HS6ST3: variants seen among roughly 807,000 people sequenced by gnomAD.
HS6ST3 encodes heparan-sulfate 6-O-sulfotransferase 3.
HS6ST3 carries 12 observed loss-of-function variants against 36.7 expected under a neutral mutation model. The ratio of observed to expected loss-of-function variants is 0.33; its 90% CI spans 0.21 to 0.53. The LOEUF (loss-of-function observed/expected upper bound fraction) is 0.53. Ranked by LOEUF, HS6ST3 falls within the 20% of genes least tolerant of loss-of-function variation. The pLI is 0.95. For missense variants in HS6ST3, 584 were observed against 640.9 expected, an observed-to-expected ratio of 0.91 and a Z score of 0.96; for synonymous variants, 240 against 257.5, an observed-to-expected ratio of 0.93 and a Z score of 0.65.
At chr13:96,523,852 G>C (rs2056103443) in intron 1 of HS6ST3, among the ~76,000 whole-genome samples, 1 of 152,120 alleles carries the variant, frequency 6.6e-6, no homozygotes, top group Admixed American at 6.6e-5. Context: ...TCTGAAGCCT[G>C]CTTCTGTCAA....
At chr13:96,686,113 A>G (rs1412728295) in intron 1 of HS6ST3, among the ~76,000 whole-genome samples, 1 of 151,982 alleles carries the variant, frequency 6.6e-6, no homozygotes, top group Non-Finnish European at 1.5e-5. Flanking sequence ...GCAGTTACAC[A>G]CAACTCATCA....
intron 1 of HS6ST3, among the ~76,000 whole-genome samples, chr13:96,536,241 A>G (rs1288167105): frequency 2.0e-5 from 3 of 152,210 alleles, no homozygotes; most frequent in African/African-American, 7.2e-5. Context: ...TCTTGGAAAC[A>G]CTTAGAAGCT....
chr13:96,707,217 A>G (rs371635241), intron 1 of HS6ST3, among the ~76,000 whole-genome samples: 3 of 152,258 alleles, frequency 2.0e-5, no homozygotes, highest in African/African-American at 7.2e-5. Flanking sequence ...AGTGGGATAA[A>G]TGCCCTTATA....
intron 1 of HS6ST3, among the ~76,000 whole-genome samples, chr13:96,470,436 C>T (rs80083432): frequency 1.2e-4 from 18 of 152,176 alleles, no homozygotes; most frequent in Non-Finnish European, 1.9e-4. Flanking sequence ...ACATTACTTC[C>T]CAATTTCATT....
chr13:96,828,083 A>G (rs1481319540), intron 1 of HS6ST3, among the ~76,000 whole-genome samples: 2 of 152,190 alleles, frequency 1.3e-5, no homozygotes, highest in Non-Finnish European at 2.9e-5. Context: ...TCTGACACTG[A>G]TGGAATTGTC....
At chr13:96,315,680 AT>A (rs11344992) in intron 1 of HS6ST3, among the ~76,000 whole-genome samples, 76,920 of 151,688 alleles carry the variant, frequency 0.51, 20,578 homozygotes, top group African/African-American at 0.68. Flanking sequence ...TAAAAATGCC[AT>A]TTTTTTTTAA....
At chr13:96,269,228 G>T (rs2054707769) in intron 1 of HS6ST3, among the ~76,000 whole-genome samples, 1 of 151,904 alleles carries the variant, frequency 6.6e-6, no homozygotes, top group Non-Finnish European at 1.5e-5. Context: ...TATGGGGCAT[G>T]TATTCATGTG....
chr13:96,245,621 G>A (rs2054581333), intron 1 of HS6ST3, among the ~76,000 whole-genome samples: 1 of 152,170 alleles, frequency 6.6e-6, no homozygotes, highest in Non-Finnish European at 1.5e-5. Flanking sequence ...GGTCTGCAGG[G>A]TCCAGACTGC....
At chr13:96,173,843 G>A (rs150227185) in intron 1 of HS6ST3, among the ~76,000 whole-genome samples, 2 of 123,012 alleles carry the variant, frequency 1.6e-5, no homozygotes, top group African/African-American at 6.1e-5. Flanking sequence ...GTGTGTGTGT[G>A]TGGATAGTAA....
At chr13:96,380,656 A>G (rs1388175790) in intron 1 of HS6ST3, among the ~76,000 whole-genome samples, 1 of 152,196 alleles carries the variant, frequency 6.6e-6, no homozygotes, top group African/African-American at 2.4e-5. Context: ...TTCTTTTCCA[A>G]ACATATATCA....
chr13:96,151,606 A>G (rs2054085534), intron 1 of HS6ST3, among the ~76,000 whole-genome samples: 2 of 152,254 alleles, frequency 1.3e-5, no homozygotes, highest in East Asian at 3.8e-4. Flanking sequence ...TGCTGTAACA[A>G]AGTGCTACAC....
At chr13:96,628,904 G>A (rs1332121665) in intron 1 of HS6ST3, among the ~76,000 whole-genome samples, 1 of 151,802 alleles carries the variant, frequency 6.6e-6, no homozygotes, top group East Asian at 1.9e-4. Flanking sequence ...ATGTGAATCC[G>A]TATATGTGTG....
chr13:96,489,880 A>G (rs776774369), intron 1 of HS6ST3, among the ~76,000 whole-genome samples: 4 of 152,102 alleles, frequency 2.6e-5, no homozygotes, highest in Non-Finnish European at 4.4e-5. Context: ...GTCTTCTTCC[A>G]CCTAGCTCAG....
chr13:96,439,152 A>AT (rs1419086203), intron 1 of HS6ST3, among the ~76,000 whole-genome samples: 1 of 152,180 alleles, frequency 6.6e-6, no homozygotes. Context: ...TGTGGGCCAC[A>AT]TTTTTTAGTG....
At chr13:96,813,848 C>T (rs1031618089) in intron 1 of HS6ST3, among the ~76,000 whole-genome samples, 5 of 152,180 alleles carry the variant, frequency 3.3e-5, no homozygotes, top group Non-Finnish European at 5.9e-5. Flanking sequence ...CAAGGTCAAA[C>T]GGATTCTACT....
At chr13:96,139,614 T>C (rs566030712) in intron 1 of HS6ST3, among the ~76,000 whole-genome samples, 1 of 151,226 alleles carries the variant, frequency 6.6e-6, no homozygotes, top group Admixed American at 6.6e-5. Context: ...ATTATAATTC[T>C]TATAAAATTA....
intron 1 of HS6ST3, among the ~76,000 whole-genome samples, chr13:96,386,042 C>G (rs1416635110): frequency 6.6e-6 from 1 of 152,058 alleles, no homozygotes; most frequent in African/African-American, 2.4e-5. Context: ...AAACTGAAAT[C>G]TAAACCAAGA....
At chr13:96,159,246 G>A (rs2054125079) in intron 1 of HS6ST3, among the ~76,000 whole-genome samples, 2 of 152,220 alleles carry the variant, frequency 1.3e-5, no homozygotes, top group Admixed American at 1.3e-4. Flanking sequence ...CAATGAAGGT[G>A]AAAAGGAGGA....
intron 1 of HS6ST3, among the ~76,000 whole-genome samples, chr13:96,517,434 A>G (rs1315744720): frequency 1.3e-5 from 2 of 152,176 alleles, no homozygotes; most frequent in Non-Finnish European, 2.9e-5. Context: ...GGGGCCAAGA[A>G]AGATAGGCTT....
Sources: allele counts gnomAD v4.1 joint callset (sites outside exome capture counted in the v4.1 genomes callset), GRCh38; gene constraint gnomAD v4.1.1; transcripts MANE v1.5; gene names NCBI Gene and HGNC (gene_info 2026-07-23, HGNC 2026-07-21).